PRKCH: variants seen among roughly 807,000 people sequenced by gnomAD.
PRKCH encodes the protein protein kinase C eta type.
A neutral mutation model predicts 82.5 loss-of-function variants in PRKCH; 28 were observed. That is an observed-to-expected ratio of 0.34 (90% CI 0.25 to 0.47). PRKCH has a LOEUF of 0.47. Ranked by LOEUF, PRKCH falls within the 20% of genes least tolerant of loss-of-function variation. PRKCH has a pLI of 1.00. For synonymous variants in PRKCH, 322 were observed against 327.4 expected (o/e 0.98, Z 0.18); for missense variants, 705 against 881.8 (o/e 0.80, Z 2.54).
At chr14:61,515,439 C>T (rs1330939737) in intron 10 of PRKCH, among the ~76,000 whole-genome samples, 4 of 152,140 alleles carry the variant, frequency 2.6e-5, no homozygotes, top group East Asian at 1.9e-4. Flanking sequence ...TAGGATGAAC[C>T]GAATGAACCT....
At chr14:61,304,118 T>TTTTC (rs953896888) in intron 1 of PRKCH, 6 of 152,156 alleles carry the variant, frequency 3.9e-5, no homozygotes, top group African/African-American at 1.4e-4. Context: ...CTACTTCATG[T>TTTTC]GAAATGTAAG....
chr14:61,466,160 G>A (rs760893129), intron 9 of PRKCH, among the ~76,000 whole-genome samples: 3 of 152,168 alleles, frequency 2.0e-5, no homozygotes, highest in African/African-American at 7.2e-5. Flanking sequence ...TCAGGGACTG[G>A]ATTAAGGTAG....
In PRKCH at chr14:61,548,329, G is replaced by C. The variant is rs1209741128; in HGVS notation, c.1905+443G>C. Among the ~76,000 whole-genome samples the C allele has an allele frequency of 2.0e-5, 3 of 152,334 alleles. No homozygotes were observed. In the East Asian group the frequency reaches 5.8e-4, roughly 29 times the overall value. ...CTCACTTCACTGAGCCTGGCCTCTTGGCTTGGAGAGCCTGGGTCTGTAATA... is the reference window on the plus strand; with the variant it reads ...CTCACTTCACTGAGCCTGGCCTCTTCGCTTGGAGAGCCTGGGTCTGTAATA... On this transcript the variant is annotated intron_variant, in intron 13 of 13. Transcript: ENST00000332981.
chr14:61,375,670 A>G (rs967554207), intron 1 of PRKCH, among the ~76,000 whole-genome samples: 5 of 151,944 alleles, frequency 3.3e-5, no homozygotes, highest in Non-Finnish European at 7.4e-5. Context: ...GAACTCACTG[A>G]CTATCATGAG....
At chr14:61,424,245 G>A (rs900140046) in intron 2 of PRKCH, among the ~76,000 whole-genome samples, 5 of 152,202 alleles carry the variant, frequency 3.3e-5, no homozygotes, top group African/African-American at 1.2e-4. Flanking sequence ...CTGATAGAGT[G>A]GGGTACTGCT....
chr14:61,501,759 G>A (rs1886919029), intron 10 of PRKCH, among the ~76,000 whole-genome samples: 1 of 152,116 alleles, frequency 6.6e-6, no homozygotes, highest in African/African-American at 2.4e-5. Context: ...GTAAATTAAT[G>A]CATATACATA....
rs112740584 is a variant in PRKCH at position 61,428,112 on chromosome 14, C to CATATATATATATATATATAT, written c.428-14998_428-14979dup. On this transcript the variant is annotated intron_variant, in intron 2 of 13. Transcript: ENST00000332981. ...ACACACACACATATATATATACACA[C>CATATATATATATATATATAT]ATATATATATATATATATATGTATC... Among the ~76,000 whole-genome samples the CATATATATATATATATATAT allele has an allele frequency of 3.9e-3, 566 of 145,458 alleles. 4 individuals are homozygous for CATATATATATATATATATAT. The highest frequency in any genetic ancestry group is 0.015 in the African/African-American group (543 of 37,434).
chr14:61,397,974 G>A (rs944068000), intron 2 of PRKCH, among the ~76,000 whole-genome samples: 2 of 152,170 alleles, frequency 1.3e-5, no homozygotes, highest in Non-Finnish European at 2.9e-5. Context: ...AGCTCAAGGC[G>A]TATAAAATTA....
At chr14:61,428,445 GT>G (rs947919035) in intron 2 of PRKCH, among the ~76,000 whole-genome samples, 3 of 151,806 alleles carry the variant, frequency 2.0e-5, no homozygotes, top group African/African-American at 7.3e-5. Context: ...TTTTTCAGGG[GT>G]TTTTTTTAAT....
At chr14:61,226,054 T>G (rs1402860175) in intron 1 of PRKCH, among the ~76,000 whole-genome samples, 1 of 152,182 alleles carries the variant, frequency 6.6e-6, no homozygotes, top group African/African-American at 2.4e-5. Context: ...AAATGAAAAT[T>G]CATTTTACCG....
intron 10 of PRKCH, among the ~76,000 whole-genome samples, chr14:61,494,177 T>A (rs937929185): frequency 6.6e-6 from 1 of 152,128 alleles, no homozygotes; most frequent in Non-Finnish European, 1.5e-5. Flanking sequence ...AGGACATAGC[T>A]ATTAGTTGAG....
At chr14:61,495,831 A>C (rs768334375) in intron 10 of PRKCH, among the ~76,000 whole-genome samples, 1 of 152,252 alleles carries the variant, frequency 6.6e-6, no homozygotes, top group Non-Finnish European at 1.5e-5. Context: ...AAAGTAGGAC[A>C]AAAGACAAAA....
chr14:61,488,146 C>T (rs569567705), intron 10 of PRKCH, among the ~76,000 whole-genome samples: 48 of 95,862 alleles, frequency 5.0e-4, no homozygotes, highest in African/African-American at 1.8e-3. Flanking sequence ...AGCGAGACTC[C>T]GTCTCAAAAA....
chr14:61,364,379 G>A (rs1056523371), intron 1 of PRKCH, among the ~76,000 whole-genome samples: 1 of 151,996 alleles, frequency 6.6e-6, no homozygotes, highest in South Asian at 2.1e-4. Context: ...GCTCAGCTGA[G>A]ATTAGAAACT....
chr14:61,356,285 T>C (rs780239557), intron 1 of PRKCH, among the ~76,000 whole-genome samples: 17 of 152,206 alleles, frequency 1.1e-4, no homozygotes, highest in Non-Finnish European at 1.6e-4. Flanking sequence ...AAAGTGGATG[T>C]CCTGTGCTGT....
chr14:61,325,916 A>T (rs1566821403), intron 1 of PRKCH, among the ~76,000 whole-genome samples: 1 of 152,168 alleles, frequency 6.6e-6, no homozygotes, highest in Non-Finnish European at 1.5e-5. Context: ...AGATCTCAGT[A>T]TGTTCCCACT....
At chr14:61,506,046 C>T (rs1353222426) in intron 10 of PRKCH, among the ~76,000 whole-genome samples, 1 of 152,084 alleles carries the variant, frequency 6.6e-6, no homozygotes, top group Non-Finnish European at 1.5e-5. Flanking sequence ...CCAAGGTATA[C>T]TTTAGTTCCA....
rs769745387 is a variant in PRKCH, at chr14:61,457,266, G to T, written c.1051G>T (p.Gly351Cys). Residue 351 changes from glycine (G) to cysteine (C), a missense_variant, in exon 8 of 14, where the codon GGT (glycine) becomes TGT (cysteine). Gly to Cys is a radical substitution (Grantham distance 159, BLOSUM62 -3). Transcript: ENST00000332981. ...TGGGGTTAATTCTTCCAACCGACTT[G>T]GTATCGACAACTTTGAGTTCATCCG... ...GIGVNSSNRL[G>C]IDNFEFIRVL... The T allele has an allele frequency of 1.2e-6, 2 of 1,614,182 alleles. No individual in the cohort carries two copies. The highest frequency in any genetic ancestry group is 1.7e-6 in the Non-Finnish European group (2 of 1,180,018).
intron 2 of PRKCH, among the ~76,000 whole-genome samples, chr14:61,394,595 G>A (rs2046743535): frequency 6.6e-6 from 1 of 152,164 alleles, no homozygotes; most frequent in Non-Finnish European, 1.5e-5. Flanking sequence ...TGTTAGACCA[G>A]GTCTGATTGT....
Sources: gnomAD v4.1 joint callset for allele counts (sites outside exome capture counted in the v4.1 genomes callset) on GRCh38, gnomAD v4.1.1 for gene constraint, MANE v1.5 for transcripts, NCBI Gene and HGNC (gene_info 2026-07-23, HGNC 2026-07-21) for gene names.